Variants in GPC3 observed in about 807,000 individuals in gnomAD.
GPC3 encodes glypican 3.
GPC3 carries 3 observed loss-of-function variants against 34.4 expected under a neutral mutation model. The observed-to-expected ratio is 0.09, with a 90% CI of 0.04 to 0.23. The LOEUF is 0.23. Among genes scored for constraint, GPC3 ranks in the 10% least tolerant of loss-of-function variants. The probability of loss-of-function intolerance (pLI) is 1.00; values close to 1 mark genes in which losing one functional copy is unlikely to be tolerated. For missense variants in GPC3, 351 were observed against 445.6 expected (o/e 0.79, Z 1.91); for synonymous variants, 177 against 174.0 (o/e 1.02, Z -0.13).
At chrX:133,761,990 A>G (rs923260057) in intron 2 of GPC3, among the ~76,000 whole-genome samples, 2 of 111,993 alleles carry the variant, frequency 1.8e-5, no homozygotes, top group African/African-American at 6.5e-5. Flanking sequence ...GATAGTTCCT[A>G]TGTATTTCAG....
At chrX:133,753,426 G>T (rs934591895) in intron 3 of GPC3, 56 bp downstream of exon 3, 6 of 942,907 alleles carry the variant, frequency 6.4e-6, no homozygotes, top group Non-Finnish European at 9.2e-6. Flanking sequence ...ACCTGCTACT[G>T]GCCACCTCAC....
At chrX:133,672,197 G>T (rs2070833841) in intron 5 of GPC3, among the ~76,000 whole-genome samples, 1 of 111,915 alleles carries the variant, frequency 8.9e-6, no homozygotes, top group African/African-American at 3.2e-5. Flanking sequence ...GAAAATGCTT[G>T]AGATGAGGTC....
chrX:133,774,660 T>C (rs2071958551), intron 2 of GPC3, among the ~76,000 whole-genome samples: 1 of 111,728 alleles, frequency 9.0e-6, no homozygotes, highest in African/African-American at 3.3e-5. Context: ...CCATACTGAA[T>C]ACATAAATTA....
At chrX:133,572,021 C>T (rs766335527) in intron 7 of GPC3, among the ~76,000 whole-genome samples, 22 of 111,286 alleles carry the variant, frequency 2.0e-4, no homozygotes, top group Non-Finnish European at 3.8e-4. Flanking sequence ...TAAAATTAAC[C>T]GGTTTATAGC....
chrX:133,726,902 C>A (rs1483290138), intron 3 of GPC3, among the ~76,000 whole-genome samples: 1 of 111,799 alleles, frequency 8.9e-6, no homozygotes, highest in Non-Finnish European at 1.9e-5. Flanking sequence ...ATGACTGACA[C>A]CTGTATGTTC....
At chrX:133,933,816 T>C (rs756366542) in intron 2 of GPC3, among the ~76,000 whole-genome samples, 152 of 109,922 alleles carry the variant, frequency 1.4e-3, no homozygotes, top group Non-Finnish European at 2.4e-3. Context: ...CTATGCTTCC[T>C]GTACAGTCTG....
At chrX:133,609,681 T>G (rs2070088820) in intron 6 of GPC3, among the ~76,000 whole-genome samples, 1 of 112,394 alleles carries the variant, frequency 8.9e-6, no homozygotes, top group African/African-American at 3.2e-5. Flanking sequence ...TTAGCTTAGT[T>G]AATTCTACTA....
chrX:133,571,520 G>A (rs1233751133), intron 7 of GPC3, among the ~76,000 whole-genome samples: 3 of 111,387 alleles, frequency 2.7e-5, no homozygotes, highest in East Asian at 2.8e-4. Context: ...CCACCACCAC[G>A]CCCAGCCTGA....
Position 133,947,836 on chromosome X carries a change from G to A in GPC3, c.337+5214C>T, listed in dbSNP as rs2076375668. ...ATATATAACTTCACTCATGGCCATG[G>A]TTTGAGTTCCTAAAATTATCCTATT... On this transcript the variant is annotated intron_variant, in intron 2 of 7. Transcript: ENST00000370818. Among the ~76,000 whole-genome samples, 5 of 111,873 alleles carry A rather than the reference G, an allele frequency of 4.5e-5. No homozygotes were observed. The Admixed American group carries it at 4.7e-4, about 11-fold the overall frequency.
chrX:133,937,515 CTT>C (rs762868692), intron 2 of GPC3, among the ~76,000 whole-genome samples: 34 of 110,453 alleles, frequency 3.1e-4, no homozygotes, highest in Admixed American at 2.9e-3. Flanking sequence ...CATGCACACT[CTT>C]TGGTTTATCA....
intron 7 of GPC3, among the ~76,000 whole-genome samples, chrX:133,568,314 C>T (rs1040888648): frequency 8.9e-6 from 1 of 111,906 alleles, no homozygotes; most frequent in Non-Finnish European, 1.9e-5. Flanking sequence ...CAAACATTCA[C>T]ATAGTACCAC....
chrX:133,632,361 A>G (rs926270959), intron 6 of GPC3, among the ~76,000 whole-genome samples: 1 of 111,579 alleles, frequency 9.0e-6, no homozygotes, highest in Non-Finnish European at 1.9e-5. Flanking sequence ...CGGTCTCCCA[A>G]TGTGCTGGGA....
intron 6 of GPC3, among the ~76,000 whole-genome samples, chrX:133,625,605 C>A (rs1456418591): frequency 3.6e-5 from 4 of 111,537 alleles, no homozygotes; most frequent in East Asian, 2.8e-4. Context: ...AATCCAACTT[C>A]CAAGGGATGT....
At chrX:133,700,367 T>C (rs1393697522) in intron 3 of GPC3, among the ~76,000 whole-genome samples, 1 of 111,926 alleles carries the variant, frequency 8.9e-6, no homozygotes, top group Non-Finnish European at 1.9e-5. Flanking sequence ...TTAATATGTA[T>C]GAAGAAGTTC....
At chrX:133,916,020 C>T (rs1199447344) in intron 2 of GPC3, among the ~76,000 whole-genome samples, 1 of 109,619 alleles carries the variant, frequency 9.1e-6, no homozygotes, top group East Asian at 2.9e-4. Context: ...TAGCACACAC[C>T]TGTAATCCCA....
intron 2 of GPC3, among the ~76,000 whole-genome samples, chrX:133,799,415 C>G (rs1310122586): frequency 9.0e-6 from 1 of 110,876 alleles, no homozygotes; most frequent in African/African-American, 3.3e-5. Context: ...GAAGCTACCT[C>G]TGGGCCAAAG....
chrX:133,865,504 A>G (rs2075962390), intron 2 of GPC3, among the ~76,000 whole-genome samples: 1 of 112,088 alleles, frequency 8.9e-6, no homozygotes, highest in Non-Finnish European at 1.9e-5. Context: ...AATAATGACA[A>G]GAGACATTTC....
chrX:133,581,542 G>A (rs1390438273), intron 7 of GPC3, among the ~76,000 whole-genome samples: 3 of 112,392 alleles, frequency 2.7e-5, no homozygotes, highest in Non-Finnish European at 5.6e-5. Flanking sequence ...AATAAAGGAT[G>A]TGCAGCACCT....
chrX:133,979,947 A>T, intron 1 of GPC3, among the ~76,000 whole-genome samples: 1 of 111,797 alleles, frequency 8.9e-6, no homozygotes, highest in Non-Finnish European at 1.9e-5. Context: ...TCTTGAATTG[A>T]GTCTGTACAC....
Sources: allele counts gnomAD v4.1 joint callset (sites outside exome capture counted in the v4.1 genomes callset), GRCh38; gene constraint gnomAD v4.1.1; transcripts MANE v1.5; gene names NCBI Gene and HGNC (gene_info 2026-07-23, HGNC 2026-07-21).